Variants in SLC25A21 observed in about 807,000 individuals in gnomAD.
The protein encoded by SLC25A21 is solute carrier family 25 member 21, also known as mitochondrial 2-oxodicarboxylate carrier.
A neutral mutation model predicts 43.8 loss-of-function variants in SLC25A21; 47 were observed. The observed-to-expected ratio is 1.07, with a 90% CI of 0.85 to 1.37. SLC25A21 has a LOEUF of 1.37. Ranked by LOEUF, SLC25A21 falls within the 40% of genes most tolerant of loss-of-function variation. The probability of loss-of-function intolerance (pLI) is 0.00; values close to 1 mark genes in which losing one functional copy is unlikely to be tolerated. For synonymous variants in SLC25A21, 131 were observed against 121.3 expected (o/e 1.08, Z -0.52); for missense variants, 352 against 350.2 (o/e 1.00, Z -0.04).
chr14:36,802,821 T>G (rs969076657), intron 3 of SLC25A21, among the ~76,000 whole-genome samples: 4 of 152,182 alleles, frequency 2.6e-5, no homozygotes, highest in Non-Finnish European at 4.4e-5. Context: ...ACAAATTGTT[T>G]CAGGAGTTAT....
intron 1 of SLC25A21, among the ~76,000 whole-genome samples, chr14:37,110,727 G>A (rs1011654749): frequency 6.6e-6 from 1 of 151,962 alleles, no homozygotes; most frequent in East Asian, 1.9e-4. Flanking sequence ...TAAATTCATG[G>A]CAATGAAACT....
chr14:36,704,642 G>C (rs1224854492), intron 7 of SLC25A21, among the ~76,000 whole-genome samples: 1 of 143,678 alleles, frequency 7.0e-6, no homozygotes, highest in African/African-American at 2.6e-5. Flanking sequence ...GGGCAACAGA[G>C]CGAGACTCCG....
At chr14:37,118,974 C>T (rs1377602226) in intron 1 of SLC25A21, among the ~76,000 whole-genome samples, 10 of 151,958 alleles carry the variant, frequency 6.6e-5, no homozygotes, top group South Asian at 6.2e-4. Context: ...AAGATCCTGC[C>T]GATAAAACAG....
intron 3 of SLC25A21, among the ~76,000 whole-genome samples, chr14:36,809,616 T>C (rs1315882134): frequency 6.6e-6 from 1 of 152,184 alleles, no homozygotes; most frequent in Non-Finnish European, 1.5e-5. Context: ...AGGTGAGGAA[T>C]TGCATCTCTA....
At chr14:36,831,676 G>A (rs1455412811) in intron 2 of SLC25A21, among the ~76,000 whole-genome samples, 1 of 152,124 alleles carries the variant, frequency 6.6e-6, no homozygotes, top group Non-Finnish European at 1.5e-5. Flanking sequence ...AATAAAAAAG[G>A]CTCCACAGCA....
intron 1 of SLC25A21, among the ~76,000 whole-genome samples, chr14:36,963,243 A>C (rs956894933): frequency 6.6e-6 from 1 of 152,104 alleles, no homozygotes; most frequent in Non-Finnish European, 1.5e-5. Flanking sequence ...CATTAAGCTT[A>C]TTGTATTTTT....
chr14:36,888,006 A>G (rs2138578643), intron 1 of SLC25A21, among the ~76,000 whole-genome samples: 1 of 152,244 alleles, frequency 6.6e-6, no homozygotes, highest in East Asian at 1.9e-4. Flanking sequence ...ATTCAGCGGC[A>G]TCATGTTAGT....
chr14:36,836,968 G>A (rs571040638), intron 2 of SLC25A21, among the ~76,000 whole-genome samples: 13 of 152,000 alleles, frequency 8.6e-5, no homozygotes, highest in African/African-American at 1.7e-4. Context: ...AAAAGAGACC[G>A]GATACACCCT....
In SLC25A21 at chr14:37,075,924, A is replaced by G. The variant is rs1468599298; in HGVS notation, c.70+96357T>C. On this transcript the variant is annotated intron_variant, in intron 1 of 9. Coordinates refer to ENST00000331299, the MANE Select transcript of SLC25A21 (RefSeq NM_030631.4). ...AGGGATGCAGTTTTGAGCCTAGGAC[A>G]TTCATTAACAGCTGGAAGACAGTTG... is the stretch of plus-strand genomic sequence containing the variant. Among the ~76,000 whole-genome samples the G allele has an allele frequency of 2.0e-5, 3 of 152,226 alleles. 1 individual carries two copies. The South Asian group carries it at 6.2e-4, about 32-fold the overall frequency.
intron 1 of SLC25A21, among the ~76,000 whole-genome samples, chr14:37,105,192 T>C (rs1026239025): frequency 2.6e-5 from 4 of 152,148 alleles, no homozygotes; most frequent in Non-Finnish European, 5.9e-5. Flanking sequence ...TTTATCTGAG[T>C]GTCAAGGCAG....
chr14:36,819,230 T>A (rs548014461), intron 2 of SLC25A21, among the ~76,000 whole-genome samples: 127 of 152,214 alleles, frequency 8.3e-4, no homozygotes, highest in South Asian at 2.7e-3. Flanking sequence ...TGCACACACT[T>A]AACAAATGGG....
At chr14:37,131,120 C>A (rs985179718) in intron 1 of SLC25A21, among the ~76,000 whole-genome samples, 1 of 152,144 alleles carries the variant, frequency 6.6e-6, no homozygotes, top group African/African-American at 2.4e-5. Context: ...GCAAACTCTA[C>A]ACTTATAATT....
intron 1 of SLC25A21, among the ~76,000 whole-genome samples, chr14:37,122,035 G>T (rs997282452): frequency 1.3e-5 from 2 of 151,974 alleles, no homozygotes; most frequent in African/African-American, 4.8e-5. Flanking sequence ...ATTTCTTGAG[G>T]TACTCAACCA....
intron 1 of SLC25A21, among the ~76,000 whole-genome samples, chr14:36,977,398 A>G (rs60724295): frequency 0.12 from 18,399 of 152,160 alleles, 1,416 homozygotes; most frequent in East Asian, 0.22. Context: ...GAATAAATTA[A>G]AAAGGAATTT....
chr14:36,869,641 C>T (rs191790177), intron 2 of SLC25A21, among the ~76,000 whole-genome samples: 7 of 152,284 alleles, frequency 4.6e-5, no homozygotes, highest in Non-Finnish European at 1.0e-4. Flanking sequence ...GAGGCTTACT[C>T]TTTGGAGACT....
At chr14:37,142,149 G>C (rs941731122) in intron 1 of SLC25A21, among the ~76,000 whole-genome samples, 2 of 152,104 alleles carry the variant, frequency 1.3e-5, no homozygotes, top group African/African-American at 2.4e-5. Context: ...CATTTTATGT[G>C]CCTCATCTCA....
chr14:36,708,446 AT>A (rs924581507), intron 7 of SLC25A21, among the ~76,000 whole-genome samples: 2 of 151,784 alleles, frequency 1.3e-5, no homozygotes, highest in African/African-American at 2.4e-5. Flanking sequence ...ACATGTCAAC[AT>A]TTTTTTTTAA....
chr14:37,088,290 T>C (rs1962522847), intron 1 of SLC25A21, among the ~76,000 whole-genome samples: 1 of 152,194 alleles, frequency 6.6e-6, no homozygotes, highest in Non-Finnish European at 1.5e-5. Flanking sequence ...CAGCTGTTGC[T>C]TTTATAGGAT....
Position 36,871,552 on chromosome 14 carries a change from T to C in SLC25A21, c.119+3404A>G, listed in dbSNP as rs116520919. ...GCCACATAACCTAGCCTGTCTTAAT[T>C]GACACAAGGCTTGGAGTATTATTTG... is the stretch of plus-strand genomic sequence containing the variant. On this transcript the variant is annotated intron_variant, in intron 2 of 9. Transcript: ENST00000331299. Among the ~76,000 whole-genome samples the C allele has an allele frequency of 7.3e-3, 1,114 of 152,344 alleles. 8 individuals are homozygous for C. The highest frequency in any genetic ancestry group is 0.026 in the African/African-American group (1,075 of 41,588).
Sources: allele counts gnomAD v4.1 joint callset (sites outside exome capture counted in the v4.1 genomes callset), GRCh38; gene constraint gnomAD v4.1.1; transcripts MANE v1.5; gene names NCBI Gene and HGNC (gene_info 2026-07-23, HGNC 2026-07-21).